The following PIEZO1 variants were observed in gnomAD, a reference collection of about 807,000 sequenced individuals.
The protein encoded by PIEZO1 is piezo type mechanosensitive ion channel component 1 (Er blood group).
In PIEZO1, 296 loss-of-function variants were observed where a neutral mutation model predicts 297.2. The observed-to-expected ratio is 1.00, with a 90% CI of 0.91 to 1.10. The LOEUF (loss-of-function observed/expected upper bound fraction) is 1.10. Among genes scored for constraint, PIEZO1 ranks in the 50% least tolerant of loss-of-function variants. The pLI is 0.00. For synonymous variants in PIEZO1, 2,427 were observed against 1,507.5 expected, an observed-to-expected ratio of 1.61 and a Z score of -14.13; for missense variants, 5,018 against 3,455.5, an observed-to-expected ratio of 1.45 and a Z score of -11.34.
intron 2 of PIEZO1, 149 bp downstream of exon 2, chr16:88,749,235 G>C: frequency 5.6e-6 from 3 of 537,068 alleles, no homozygotes; most frequent in East Asian, 3.5e-5. Flanking sequence ...GCGAGACTCC[G>C]TCTCAAAAAA....
At chr16:88,771,197 C>T (rs1244618681) in intron 1 of PIEZO1, among the ~76,000 whole-genome samples, 1 of 152,238 alleles carries the variant, frequency 6.6e-6, no homozygotes, top group Non-Finnish European at 1.5e-5. Flanking sequence ...TGGCACCGGG[C>T]CCAGCCTTGC....
At chr16:88,777,086 C>A (rs964152804) in intron 1 of PIEZO1, among the ~76,000 whole-genome samples, 1 of 152,208 alleles carries the variant, frequency 6.6e-6, no homozygotes, top group Non-Finnish European at 1.5e-5. Context: ...GATTCTCCTG[C>A]CTCAGCCTCC....
chr16:88,749,203 G>T (rs942817109), intron 2 of PIEZO1, among the ~76,000 whole-genome samples, 181 bp downstream of exon 2: 3 of 151,734 alleles, frequency 2.0e-5, no homozygotes, highest in Admixed American at 1.3e-4. Context: ...TCGCGCCACT[G>T]CACTCCAGCC....
chr16:88,734,762 A>T lies in PIEZO1; in HGVS notation c.1885T>A (p.Phe629Ile), dbSNP rs1447203880. 13 of 1,550,174 alleles carry T rather than the reference A, an allele frequency of 8.4e-6. No individual in the cohort carries two copies. Among genetic ancestry groups the T allele is most frequent in the African/African-American group, 1.4e-5 (1 of 73,048 alleles). The change falls in exon 15 of 51, where the codon TTC (phenylalanine) becomes ATC (isoleucine). Residue 629 changes from phenylalanine to isoleucine, a missense_variant. By Grantham distance (21) the Phe-to-Ile change is conservative. Coordinates refer to ENST00000301015, the MANE Select transcript of PIEZO1 (RefSeq NM_001142864.4). ...GTGTAGGCCACCACGAGCCACCAGA[A>T]GGCCTTGAGCAGCTTCCGCCACAGG... ...YSLWRKLLKA[F>I]WWLVVAYTML...
intron 19 of PIEZO1, 87 bp from the exon 20 acceptor site, chr16:88,732,819 G>A (rs1289554575): frequency 3.7e-6 from 5 of 1,351,566 alleles, no homozygotes; most frequent in Non-Finnish European, 5.0e-6. Flanking sequence ...ACAGCTCTGG[G>A]GCAGGTCCAC....
At chr16:88,748,007 C>G (rs751917339) in intron 2 of PIEZO1, among the ~76,000 whole-genome samples, 1 of 152,222 alleles carries the variant, frequency 6.6e-6, no homozygotes, top group African/African-American at 2.4e-5. Context: ...GGACAGGCCC[C>G]GACGCTGCCA....
chr16:88,735,709 C>T (rs1481072176), intron 12 of PIEZO1, among the ~76,000 whole-genome samples: 1 of 152,284 alleles, frequency 6.6e-6, no homozygotes, highest in Non-Finnish European at 1.5e-5. Context: ...TTCACATGGA[C>T]ACGCAGGCAC....
intron 1 of PIEZO1, among the ~76,000 whole-genome samples, chr16:88,751,997 G>A (rs941781477): frequency 1.3e-5 from 2 of 152,250 alleles, no homozygotes; most frequent in African/African-American, 4.8e-5. Context: ...AGGGCTCCTG[G>A]AGTCAGAAGC....
At chr16:88,742,144 C>T (rs1191547845) in intron 3 of PIEZO1, 49 bp from the exon 4 acceptor site, 2 of 1,532,592 alleles carry the variant, frequency 1.3e-6, no homozygotes, top group Non-Finnish European at 1.7e-6. Flanking sequence ...CCAGCCAGCA[C>T]CGTGGCCTGG....
intron 1 of PIEZO1, among the ~76,000 whole-genome samples, chr16:88,764,148 G>C (rs1329273793): frequency 6.6e-6 from 1 of 152,164 alleles, no homozygotes; most frequent in Non-Finnish European, 1.5e-5. Flanking sequence ...AAGGTCCTGG[G>C]GGAAACCCAG....
chr16:88,752,962 G>A (rs1361162943), intron 1 of PIEZO1, among the ~76,000 whole-genome samples: 4 of 152,028 alleles, frequency 2.6e-5, no homozygotes, highest in Non-Finnish European at 4.4e-5. Flanking sequence ...AGGGTCCGGG[G>A]ACATGGTGGA....
chr16:88,734,235 G>C (rs1905060956), intron 16 of PIEZO1, 121 bp downstream of exon 16: 1 of 1,204,756 alleles, frequency 8.3e-7, no homozygotes. Context: ...CTTGGTATGA[G>C]CAAATGCCCC....
chr16:88,784,583 C>A (rs769399647), intron 1 of PIEZO1, among the ~76,000 whole-genome samples: 3 of 151,966 alleles, frequency 2.0e-5, no homozygotes, highest in Non-Finnish European at 4.4e-5. Flanking sequence ...CCTCGCCCGG[C>A]GGCCTCCTCT....
At chr16:88,747,083 G>A (rs1906100435) in intron 2 of PIEZO1, among the ~76,000 whole-genome samples, 1 of 152,190 alleles carries the variant, frequency 6.6e-6, no homozygotes, top group South Asian at 2.1e-4. Context: ...ATCAGTGCCT[G>A]CGCTGGGCAC....
Position 88,734,137 on chromosome 16 carries a change from CGCTTCT to C in PIEZO1, c.2181-89_2181-84del, listed in dbSNP as rs66935855. The C allele has an allele frequency of 0.19, 280,557 of 1,440,586 alleles. 32,114 individuals are homozygous for C. Among genetic ancestry groups the C allele is most frequent in the East Asian group, 0.6 (23,767 of 39,726 alleles). The allele number at this position is 1,440,586 out of a possible 1,614,324, so 89.2% of individuals were successfully genotyped here. A position where few individuals can be genotyped will look rare whatever the true frequency, so the allele number is the denominator to read the frequency against. On this transcript the variant is annotated intron_variant, in intron 16 of 50. Transcript: ENST00000301015. Reference sequence around the variant, plus strand: ...GGGCTGGAAGAAGCCCTGTCGGCACCGCTTCTGCTGCAGCTGCCAGTTCAGGTGCAC... The same window carrying C: ...GGGCTGGAAGAAGCCCTGTCGGCACCGCTGCAGCTGCCAGTTCAGGTGCAC...
At position 88,719,556 on chromosome 16, in the gene PIEZO1, CGCCCTGGGCCCA is replaced by C; in HGVS notation, c.6471+6_6471+17del. ...TATCCCTGGCCCTTGTCCCGGCCCC[CGCCCTGGGCCCA>C]GGCACCTTCTCTGTCTCTCGGCTGC... On this transcript the variant is annotated splice_donor_region_variant and intron_variant, in intron 44 of 50. Transcript: ENST00000301015. 1 of 1,548,124 alleles carries C rather than the reference CGCCCTGGGCCCA, an allele frequency of 6.5e-7. No homozygotes were observed.
chr16:88,764,039 G>GT (rs796138494), intron 1 of PIEZO1, among the ~76,000 whole-genome samples: 2 of 152,172 alleles, frequency 1.3e-5, no homozygotes, highest in South Asian at 4.1e-4. Flanking sequence ...ATGAGCCACA[G>GT]TTAGCACCAG....
At chr16:88,773,443 C>T (rs1000164278) in intron 1 of PIEZO1, among the ~76,000 whole-genome samples, 3 of 152,244 alleles carry the variant, frequency 2.0e-5, no homozygotes, top group East Asian at 1.9e-4. Context: ...GACCGATGGG[C>T]GCAGCACAGA....
chr16:88,717,467 C>A, intron 44 of PIEZO1: 1 of 600,548 alleles, frequency 1.7e-6, no homozygotes, highest in East Asian at 3.3e-5. Flanking sequence ...TTTTTCAACA[C>A]GGTGCAGGCA....
Sources: allele counts gnomAD v4.1 joint callset (sites outside exome capture counted in the v4.1 genomes callset), GRCh38; gene constraint gnomAD v4.1.1; transcripts MANE v1.5; gene names NCBI Gene and HGNC (gene_info 2026-07-23, HGNC 2026-07-21).